BRWD3: variants seen among roughly 807,000 people sequenced by gnomAD.
BRWD3 encodes bromodomain and WD repeat-containing protein 3.
In BRWD3, 10 loss-of-function variants were observed where a neutral mutation model predicts 149.7. The ratio of observed to expected loss-of-function variants is 0.07; its 90% CI spans 0.04 to 0.11. BRWD3 has a LOEUF of 0.11. Ranked by LOEUF, BRWD3 falls within the 10% of genes least tolerant of loss-of-function variation. The pLI, the probability that BRWD3 is intolerant of heterozygous loss-of-function variation, is 1.00. For missense variants in BRWD3, 940 were observed against 1,373.2 expected, an observed-to-expected ratio of 0.68 and a Z score of 4.99; for synonymous variants, 504 against 456.7, an observed-to-expected ratio of 1.10 and a Z score of -1.32.
chrX:80,699,444 T>C (rs982235580), intron 25 of BRWD3, among the ~76,000 whole-genome samples: 4 of 111,339 alleles, frequency 3.6e-5, no homozygotes, highest in African/African-American at 1.3e-4. Flanking sequence ...TACACATATA[T>C]AGGTACAAAT....
intron 6 of BRWD3, among the ~76,000 whole-genome samples, chrX:80,758,934 T>C (rs1299757504): frequency 8.9e-6 from 1 of 112,145 alleles, no homozygotes; most frequent in Non-Finnish European, 1.9e-5. Flanking sequence ...GATACTTCTC[T>C]TTCCTAATAT....
chrX:80,691,527 A>C (rs2072610709), intron 30 of BRWD3, among the ~76,000 whole-genome samples: 1 of 111,591 alleles, frequency 9.0e-6, no homozygotes, highest in African/African-American at 3.3e-5. Flanking sequence ...TTACCAAGAA[A>C]CCCATCCAAA....
At chrX:80,725,783 T>C (rs1258159291) in intron 14 of BRWD3, among the ~76,000 whole-genome samples, 1 of 106,968 alleles carries the variant, frequency 9.3e-6, no homozygotes, top group Non-Finnish European at 1.9e-5. Context: ...TACATGCCTA[T>C]ATAACGTATA....
At position 80,672,291 on chromosome X, in the gene BRWD3, G is replaced by C. The variant is rs927832353; in HGVS notation, c.*4318C>G. ...GGATAAAAGTAAGCAGGATTGAAAA[G>C]ATGAAAAAAGAAATAATCAAGAATA... On this transcript the variant is annotated 3_prime_UTR_variant, in exon 41 of 41. Transcript: ENST00000373275. 1 of 107,320 alleles carries C rather than the reference G, an allele frequency of 9.3e-6. No individual in the cohort carries two copies. Among genetic ancestry groups the C allele is most frequent in the African/African-American group, 3.4e-5 (1 of 29,329 alleles). The allele number at this position is 107,320 out of a possible 1,213,427, so 8.8% of individuals were successfully genotyped here.
intron 22 of BRWD3, among the ~76,000 whole-genome samples, chrX:80,705,265 C>CA (rs1347989736): frequency 3.3e-3 from 209 of 63,787 alleles, no homozygotes; most frequent in Middle Eastern, 0.027. Flanking sequence ...GACTCCATCT[C>CA]AAAAAAAAAA....
chrX:80,782,303 T>C (rs1384435978), intron 6 of BRWD3, among the ~76,000 whole-genome samples: 2 of 111,617 alleles, frequency 1.8e-5, no homozygotes, highest in African/African-American at 3.3e-5. Context: ...TGGATACCCA[T>C]ATGCAGAAGA....
intron 21 of BRWD3, among the ~76,000 whole-genome samples, chrX:80,708,979 T>C (rs1246681999): frequency 8.9e-6 from 1 of 112,095 alleles, no homozygotes; most frequent in Non-Finnish European, 1.9e-5. Flanking sequence ...TCTTTATTCA[T>C]TACCATGAAA....
chrX:80,724,102 C>T (rs2073187801), intron 15 of BRWD3, among the ~76,000 whole-genome samples: 2 of 111,575 alleles, frequency 1.8e-5, no homozygotes, highest in African/African-American at 3.3e-5. Context: ...AAGGACATAC[C>T]TCATGAAATA....
chrX:80,736,128 A>C (rs1281103994), intron 8 of BRWD3, 40 bp from the exon 9 acceptor site: 2 of 868,251 alleles, frequency 2.3e-6, no homozygotes, highest in Non-Finnish European at 3.3e-6. Flanking sequence ...AAAAGTTTTC[A>C]TGTTCAGCCT....
Position 80,722,538 on chromosome X carries a change from A to T in BRWD3, c.1876+24T>A, listed in dbSNP as rs373574084. ...GTATAACATTGGGCAAAATGTTTTAAATTTACTTTTAGAGAAAACATACCA... is the reference window on the plus strand; with the variant it reads ...GTATAACATTGGGCAAAATGTTTTATATTTACTTTTAGAGAAAACATACCA... On this transcript the variant is annotated intron_variant, in intron 17 of 40. Transcript: ENST00000373275. The T allele has an allele frequency of 3.4e-4, 408 of 1,187,054 alleles. No individual in the cohort carries two copies. In the African/African-American group the frequency reaches 6.4e-3, roughly 19 times the overall value.
At chrX:80,712,029 C>G (rs2072976563) in intron 20 of BRWD3, among the ~76,000 whole-genome samples, 1 of 112,110 alleles carries the variant, frequency 8.9e-6, no homozygotes, top group Admixed American at 9.4e-5. Context: ...CTTTCATCAA[C>G]AGCATTCTTA....
At chrX:80,758,201 AAAAAAAT>A (rs894531404) in intron 6 of BRWD3, among the ~76,000 whole-genome samples, 18 of 111,187 alleles carry the variant, frequency 1.6e-4, no homozygotes, top group African/African-American at 5.2e-4. Flanking sequence ...CTCCATCTCA[AAAAAAAT>A]AAAAAATAAA....
intron 12 of BRWD3, among the ~76,000 whole-genome samples, chrX:80,730,722 T>C (rs995942585): frequency 2.7e-5 from 3 of 112,229 alleles, no homozygotes; most frequent in Admixed American, 9.4e-5. Flanking sequence ...TATTCACCCA[T>C]ACTTCTGTCA....
chrX:80,793,337 TGTAA>T (rs1315111665), intron 5 of BRWD3, among the ~76,000 whole-genome samples: 5 of 110,091 alleles, frequency 4.5e-5, no homozygotes, highest in Admixed American at 2.0e-4. Flanking sequence ...GAAAGAATAT[TGTAA>T]GTATTTATAC....
At chrX:80,737,625 G>A (rs1034972443) in intron 8 of BRWD3, among the ~76,000 whole-genome samples, 8 of 111,682 alleles carry the variant, frequency 7.2e-5, no homozygotes, top group African/African-American at 2.6e-4. Flanking sequence ...ACCTGAGGTC[G>A]GGAGTTCGAA....
chrX:80,759,300 A>C (rs2073778465), intron 6 of BRWD3, among the ~76,000 whole-genome samples: 1 of 112,116 alleles, frequency 8.9e-6, no homozygotes, highest in African/African-American at 3.2e-5. Context: ...TTCACCATCT[A>C]TAGTTTCTAG....
intron 6 of BRWD3, among the ~76,000 whole-genome samples, chrX:80,781,550 T>C (rs2074057560): frequency 9.0e-6 from 1 of 111,070 alleles, no homozygotes; most frequent in African/African-American, 3.3e-5. Context: ...GGCCGATGAC[T>C]GCTCTAACTG....
At chrX:80,756,656 T>C (rs374958094) in intron 6 of BRWD3, among the ~76,000 whole-genome samples, 2 of 111,435 alleles carry the variant, frequency 1.8e-5, no homozygotes, top group African/African-American at 6.5e-5. Context: ...GGTTGATAAT[T>C]GATTATACAG....
chrX:80,779,503 G>T (rs1017525304), intron 6 of BRWD3, among the ~76,000 whole-genome samples: 1 of 110,348 alleles, frequency 9.1e-6, no homozygotes, highest in Non-Finnish European at 1.9e-5. Flanking sequence ...AAAGCAGATC[G>T]CTTGAGGTCA....
Sources: allele counts gnomAD v4.1 joint callset (sites outside exome capture counted in the v4.1 genomes callset), GRCh38; gene constraint gnomAD v4.1.1; transcripts MANE v1.5; gene names NCBI Gene and HGNC (gene_info 2026-07-23, HGNC 2026-07-21).